ZNF385D: variants seen among roughly 807,000 people sequenced by gnomAD.
ZNF385D encodes the protein zinc finger protein 659.
A neutral mutation model predicts 35.8 loss-of-function variants in ZNF385D; 15 were observed. That is an observed-to-expected ratio of 0.42 (90% CI 0.28 to 0.64). The LOEUF (loss-of-function observed/expected upper bound fraction) is 0.64. ZNF385D is among the 30% of genes least tolerant of loss of function. The pLI is 0.23. For missense variants in ZNF385D, 474 were observed against 494.6 expected, an observed-to-expected ratio of 0.96 and a Z score of 0.39; for synonymous variants, 212 against 186.8, an observed-to-expected ratio of 1.13 and a Z score of -1.10.
chr3:22,005,862 T>C (rs1696167810), intron 3 of ZNF385D, among the ~76,000 whole-genome samples: 1 of 152,092 alleles, frequency 6.6e-6, no homozygotes, highest in Non-Finnish European at 1.5e-5. Context: ...TTTAGAGTAC[T>C]TAAAAGGAAC....
chr3:21,533,995 G>A (rs1358880281), intron 3 of ZNF385D, among the ~76,000 whole-genome samples: 1 of 151,950 alleles, frequency 6.6e-6, no homozygotes, highest in East Asian at 1.9e-4. Context: ...AATATGAAGA[G>A]GAAAGAAAAT....
chr3:21,836,332 C>A (rs960225484), intron 3 of ZNF385D, among the ~76,000 whole-genome samples: 1 of 152,100 alleles, frequency 6.6e-6, no homozygotes, highest in Admixed American at 6.6e-5. Context: ...TTCTCTAGCT[C>A]TCTCTTCCCC....
intron 2 of ZNF385D, among the ~76,000 whole-genome samples, chr3:22,204,755 T>A (rs1031506214): frequency 2.0e-5 from 3 of 149,048 alleles, no homozygotes; most frequent in Non-Finnish European, 4.5e-5. Flanking sequence ...CTTACCAGAA[T>A]TGATCATACA....
At chr3:21,929,114 A>T (rs1274235093) in intron 3 of ZNF385D, among the ~76,000 whole-genome samples, 1 of 152,146 alleles carries the variant, frequency 6.6e-6, no homozygotes. Flanking sequence ...ACATATAAAT[A>T]GGATTATATA....
intron 3 of ZNF385D, among the ~76,000 whole-genome samples, chr3:21,808,888 G>C (rs926751020): frequency 1.9e-4 from 29 of 152,162 alleles, no homozygotes; most frequent in African/African-American, 7.0e-4. Context: ...AAGTAGGACA[G>C]ATTAAAATAG....
At chr3:22,202,044 T>A (rs113359883) in intron 2 of ZNF385D, among the ~76,000 whole-genome samples, 1 of 152,062 alleles carries the variant, frequency 6.6e-6, no homozygotes, top group African/African-American at 2.4e-5. Flanking sequence ...TAAAGTTTTT[T>A]ATTTCTATTT....
chr3:22,018,980 C>T (rs939563308), intron 3 of ZNF385D, among the ~76,000 whole-genome samples: 1 of 144,980 alleles, frequency 6.9e-6, no homozygotes, highest in Admixed American at 6.9e-5. Flanking sequence ...ACACCTAAAG[C>T]ATTGCTATAT....
chr3:21,789,267 G>C (rs886649609), intron 3 of ZNF385D, among the ~76,000 whole-genome samples: 4 of 152,134 alleles, frequency 2.6e-5, no homozygotes, highest in African/African-American at 9.7e-5. Flanking sequence ...AGAAATTTGA[G>C]ATATACTGCC....
intron 5 of ZNF385D, among the ~76,000 whole-genome samples, chr3:21,427,662 C>T (rs1701083275): frequency 6.6e-6 from 1 of 152,058 alleles, no homozygotes; most frequent in Non-Finnish European, 1.5e-5. Context: ...AAATATGGTG[C>T]TTCTCAGAAT....
intron 2 of ZNF385D, among the ~76,000 whole-genome samples, chr3:21,590,042 T>C (rs2063924615): frequency 6.6e-6 from 1 of 152,150 alleles, no homozygotes; most frequent in Admixed American, 6.5e-5. Context: ...CAAGTAGGCA[T>C]GTGCAAGAGC....
chr3:22,155,842 A>C (rs1705550040), intron 3 of ZNF385D, among the ~76,000 whole-genome samples: 2 of 152,136 alleles, frequency 1.3e-5, no homozygotes, highest in Admixed American at 1.3e-4. Flanking sequence ...TTTGTTGTTA[A>C]AAGTTTTTAA....
At chr3:21,617,129 A>G (rs764670136) in intron 2 of ZNF385D, among the ~76,000 whole-genome samples, 6 of 152,156 alleles carry the variant, frequency 3.9e-5, no homozygotes, top group Non-Finnish European at 8.8e-5. Context: ...TACAAGCCTT[A>G]ATGTGTTAAG....
intron 5 of ZNF385D, among the ~76,000 whole-genome samples, chr3:21,431,336 CTTA>C (rs1701283874): frequency 6.6e-6 from 1 of 152,120 alleles, no homozygotes; most frequent in Non-Finnish European, 1.5e-5. Flanking sequence ...TGTAATAATT[CTTA>C]TTATTAGGTA....
intron 3 of ZNF385D, among the ~76,000 whole-genome samples, chr3:22,096,125 A>C (rs1701608944): frequency 6.8e-6 from 1 of 148,082 alleles, no homozygotes; most frequent in African/African-American, 2.4e-5. Context: ...TAAGGTAAAA[A>C]AAATATATAT....
intron 3 of ZNF385D, among the ~76,000 whole-genome samples, chr3:22,011,939 G>C (rs1228231876): frequency 6.6e-6 from 1 of 152,076 alleles, no homozygotes; most frequent in Non-Finnish European, 1.5e-5. Context: ...GCAGGCAACA[G>C]GTTTTCTTCT....
chr3:21,436,931 C>T (rs758654964), intron 5 of ZNF385D, 39 bp downstream of exon 5: 4 of 1,582,182 alleles, frequency 2.5e-6, no homozygotes, highest in African/African-American at 2.7e-5. Flanking sequence ...AAGATAATTG[C>T]AGAGCTGTTG....
At chr3:21,609,400 A>G (rs1379148313) in intron 2 of ZNF385D, among the ~76,000 whole-genome samples, 1 of 152,366 alleles carries the variant, frequency 6.6e-6, no homozygotes, top group East Asian at 1.9e-4. Flanking sequence ...TTTATGCTTC[A>G]TAATAATCTA....
At chr3:21,937,157 A>G (rs967425750) in intron 3 of ZNF385D, among the ~76,000 whole-genome samples, 3 of 152,208 alleles carry the variant, frequency 2.0e-5, no homozygotes, top group Admixed American at 1.3e-4. Context: ...TAAAAAGTTC[A>G]AATACTTCAA....
rs149419605 is a variant in ZNF385D, at chr3:22,177,044, T to A, written c.107-8009A>T. 7.2e-3 allele frequency among the ~76,000 whole-genome samples: 1,095 copies of A among 152,318 alleles called. 15 individuals carry two copies. Among genetic ancestry groups the A allele is most frequent in the African/African-American group, 0.025 (1,038 of 41,562 alleles). ...AATCTTTTCCTGTATTCTGACCTAC[T>A]GTTCCTATTTTAGGGATATCTTCTT... On this transcript the variant is annotated intron_variant, in intron 2 of 5. Transcript: ENST00000494108.
Sources: gnomAD v4.1 joint callset for allele counts (sites outside exome capture counted in the v4.1 genomes callset) on GRCh38, gnomAD v4.1.1 for gene constraint, MANE v1.5 for transcripts, NCBI Gene and HGNC (gene_info 2026-07-23, HGNC 2026-07-21) for gene names.